Variants in L3MBTL4 observed in about 807,000 individuals in gnomAD.
L3MBTL4 encodes L3MBTL histone methyl-lysine binding protein 4.
L3MBTL4 carries 70 observed loss-of-function variants against 84.5 expected under a neutral mutation model. The ratio of observed to expected loss-of-function variants is 0.83; its 90% CI spans 0.68 to 1.01. The LOEUF (loss-of-function observed/expected upper bound fraction) is 1.01, where lower values mean the gene tolerates loss of function less well. Ranked by LOEUF, L3MBTL4 falls within the 50% of genes least tolerant of loss-of-function variation. The probability of loss-of-function intolerance (pLI) is 0.00; values close to 1 mark genes in which losing one functional copy is unlikely to be tolerated. For synonymous variants in L3MBTL4, 274 were observed against 259.8 expected, an observed-to-expected ratio of 1.05 and a Z score of -0.52; for missense variants, 715 against 754.8, an observed-to-expected ratio of 0.95 and a Z score of 0.62.
chr18:6,249,242 A>G (rs1003063931), intron 5 of L3MBTL4, among the ~76,000 whole-genome samples: 1 of 152,218 alleles, frequency 6.6e-6, no homozygotes, highest in African/African-American at 2.4e-5. Context: ...GGTAGACCAC[A>G]GGGAGAGAAT....
intron 14 of L3MBTL4, among the ~76,000 whole-genome samples, chr18:6,134,676 C>T (rs2059977960): frequency 6.6e-6 from 1 of 152,238 alleles, no homozygotes; most frequent in South Asian, 2.1e-4. Context: ...CCAGGTCTCA[C>T]ATCCAAGCCA....
intron 16 of L3MBTL4, chr18:6,030,623 T>A (rs963478580): frequency 1.2e-6 from 1 of 800,626 alleles, no homozygotes; most frequent in African/African-American, 1.9e-5. Flanking sequence ...CTCAGCTTCC[T>A]GAGTAGCTGG....
intron 17 of L3MBTL4, among the ~76,000 whole-genome samples, chr18:5,961,370 C>T (rs2095262571): frequency 6.6e-6 from 1 of 152,184 alleles, no homozygotes. Context: ...TCCCTCAGGG[C>T]ATACCCTAGG....
chr18:6,249,875 C>G (rs917724524), intron 5 of L3MBTL4, among the ~76,000 whole-genome samples: 1 of 152,164 alleles, frequency 6.6e-6, no homozygotes, highest in Non-Finnish European at 1.5e-5. Context: ...CAGATCGACT[C>G]GAGCCCAGAA....
intron 5 of L3MBTL4, among the ~76,000 whole-genome samples, chr18:6,250,639 G>C (rs191411435): frequency 1.7e-4 from 26 of 152,192 alleles, no homozygotes; most frequent in Admixed American, 3.9e-4. Flanking sequence ...GAGAGAGGTG[G>C]GGGAAATTGG....
Position 6,251,346 on chromosome 18 carries a change from A to T in L3MBTL4, c.220-6758T>A, listed in dbSNP as rs540364635. 1.4e-4 allele frequency among the ~76,000 whole-genome samples: 21 copies of T among 152,360 alleles called. No homozygotes were observed. In the South Asian group the frequency reaches 4.3e-3, roughly 32 times the overall value. ...TTGCTGTTGTAGCCAGAAACCTAGA[A>T]TGGTTAGATACAATTTTCTCAGTAA... On this transcript the variant is annotated intron_variant, in intron 5 of 18. Transcript: ENST00000317931.
At chr18:5,964,593 T>G (rs976094833) in intron 17 of L3MBTL4, among the ~76,000 whole-genome samples, 2 of 152,166 alleles carry the variant, frequency 1.3e-5, no homozygotes, top group African/African-American at 4.8e-5. Flanking sequence ...CCCCTTCCTG[T>G]GTAAAGGCTG....
chr18:6,205,484 T>C (rs2045833573), intron 12 of L3MBTL4, among the ~76,000 whole-genome samples: 2 of 152,256 alleles, frequency 1.3e-5, no homozygotes, highest in African/African-American at 4.8e-5. Context: ...TAGGTATACA[T>C]GTGCCATGGT....
chr18:6,157,909 G>T (rs1395528972), intron 13 of L3MBTL4, among the ~76,000 whole-genome samples: 2 of 152,112 alleles, frequency 1.3e-5, no homozygotes, highest in African/African-American at 4.8e-5. Context: ...TCATTTTTCT[G>T]CCTATCAACT....
At chr18:6,085,972 A>G (rs1043181303) in intron 15 of L3MBTL4, among the ~76,000 whole-genome samples, 2 of 152,120 alleles carry the variant, frequency 1.3e-5, no homozygotes, top group Non-Finnish European at 2.9e-5. Context: ...TAAGGTGGAC[A>G]TTTTCTTATA....
At chr18:6,339,054 A>T (rs900835086) in intron 1 of L3MBTL4, among the ~76,000 whole-genome samples, 1 of 152,184 alleles carries the variant, frequency 6.6e-6, no homozygotes, top group African/African-American at 2.4e-5. Context: ...CCACAAATAT[A>T]TTGGAGACTT....
intron 12 of L3MBTL4, among the ~76,000 whole-genome samples, chr18:6,191,530 C>T (rs931444005): frequency 3.3e-5 from 5 of 151,996 alleles, no homozygotes; most frequent in African/African-American, 4.8e-5. Flanking sequence ...GATATCTATT[C>T]GACATAAAAC....
chr18:6,162,972 G>A (rs2043416255), intron 13 of L3MBTL4, among the ~76,000 whole-genome samples: 1 of 152,128 alleles, frequency 6.6e-6, no homozygotes, highest in South Asian at 2.1e-4. Flanking sequence ...ATGCAAAGGA[G>A]TCTCAGGTTG....
intron 13 of L3MBTL4, among the ~76,000 whole-genome samples, chr18:6,156,625 A>G (rs909865527): frequency 3.3e-5 from 5 of 152,198 alleles, no homozygotes; most frequent in Admixed American, 2.0e-4. Flanking sequence ...ATCTCTACTC[A>G]ACGTCCATAT....
chr18:6,248,549 GCATTCCCTCACACCA>G (rs1283870970), intron 5 of L3MBTL4, among the ~76,000 whole-genome samples: 1 of 152,108 alleles, frequency 6.6e-6, no homozygotes, highest in African/African-American at 2.4e-5. Context: ...TCTATCCACC[GCATTCCCTCACACCA>G]CCTCGTGGAG....
chr18:6,166,289 G>T (rs2043651888), intron 13 of L3MBTL4, among the ~76,000 whole-genome samples: 1 of 152,082 alleles, frequency 6.6e-6, no homozygotes, highest in African/African-American at 2.4e-5. Context: ...AAGTTAACAA[G>T]GATATCCAGG....
intron 16 of L3MBTL4, among the ~76,000 whole-genome samples, chr18:6,009,275 C>T (rs1176581849): frequency 1.3e-5 from 2 of 152,148 alleles, no homozygotes; most frequent in African/African-American, 4.8e-5. Flanking sequence ...GTTAGTAGCA[C>T]CATGTGCCTT....
chr18:6,026,906 T>C (rs1410975936), intron 16 of L3MBTL4, among the ~76,000 whole-genome samples: 1 of 152,070 alleles, frequency 6.6e-6, no homozygotes, highest in Non-Finnish European at 1.5e-5. Flanking sequence ...GCCTTAATTT[T>C]CCTCATGTTA....
intron 1 of L3MBTL4, among the ~76,000 whole-genome samples, chr18:6,359,009 G>A (rs1052738818): frequency 1.3e-5 from 2 of 152,188 alleles, no homozygotes; most frequent in African/African-American, 2.4e-5. Flanking sequence ...CGTATTTACT[G>A]ATTCAAATCT....
Sources: allele counts gnomAD v4.1 joint callset (sites outside exome capture counted in the v4.1 genomes callset), GRCh38; gene constraint gnomAD v4.1.1; transcripts MANE v1.5; gene names NCBI Gene and HGNC (gene_info 2026-07-23, HGNC 2026-07-21).